The following ATP8B4 variants were observed in gnomAD, a reference collection of about 807,000 sequenced individuals.
ATP8B4 encodes the protein probable phospholipid-transporting ATPase IM.
In ATP8B4, 133 loss-of-function variants were observed where a neutral mutation model predicts 145.6. The observed-to-expected ratio is 0.91, with a 90% CI of 0.79 to 1.05. ATP8B4 has a LOEUF of 1.05. Ranked by LOEUF, ATP8B4 falls within the 50% of genes least tolerant of loss-of-function variation. The pLI is 0.00. For missense variants in ATP8B4, 1,458 were observed against 1,425.2 expected, an observed-to-expected ratio of 1.02 and a Z score of -0.37; for synonymous variants, 507 against 492.9, an observed-to-expected ratio of 1.03 and a Z score of -0.38.
At chr15:49,924,507 AG>A (rs2040536815) in intron 16 of ATP8B4, among the ~76,000 whole-genome samples, 1 of 152,222 alleles carries the variant, frequency 6.6e-6, no homozygotes, top group Non-Finnish European at 1.5e-5. Flanking sequence ...CCTCAAAAAA[AG>A]GTTAACATAA....
intron 6 of ATP8B4, among the ~76,000 whole-genome samples, chr15:50,021,419 T>C (rs2153581350): frequency 6.6e-6 from 1 of 152,322 alleles, no homozygotes; most frequent in South Asian, 2.1e-4. Flanking sequence ...CCTCTAGGAA[T>C]TGGCTCTTGC....
chr15:50,028,730 CTT>C (rs1156446698), intron 6 of ATP8B4, among the ~76,000 whole-genome samples: 1 of 152,084 alleles, frequency 6.6e-6, no homozygotes, highest in Non-Finnish European at 1.5e-5. Flanking sequence ...TGTGGAATAA[CTT>C]TTACTTTTGC....
chr15:49,880,827 A>AT (rs1308351205), intron 23 of ATP8B4: 2 of 151,556 alleles, frequency 1.3e-5, no homozygotes, highest in African/African-American at 4.8e-5. Context: ...AAAAAAAAAA[A>AT]GCCGGCCAGG....
chr15:49,921,105 AG>A (rs1255077101), intron 17 of ATP8B4, among the ~76,000 whole-genome samples: 13 of 152,214 alleles, frequency 8.5e-5, no homozygotes, highest in Non-Finnish European at 1.2e-4. Context: ...GGGGAGAGAA[AG>A]GAAGAAAAGC....
At chr15:50,093,465 T>C (rs2055745109) in intron 2 of ATP8B4, among the ~76,000 whole-genome samples, 1 of 152,072 alleles carries the variant, frequency 6.6e-6, no homozygotes. Context: ...CATTCAACTA[T>C]ACAGAAATGT....
chr15:50,088,266 C>A (rs961183797), intron 2 of ATP8B4, among the ~76,000 whole-genome samples: 1 of 151,928 alleles, frequency 6.6e-6, no homozygotes, highest in Non-Finnish European at 1.5e-5. Flanking sequence ...GTCTGTAGTC[C>A]CAGCTACTTG....
chr15:50,016,914 C>T (rs899049604), intron 6 of ATP8B4, among the ~76,000 whole-genome samples: 2 of 152,118 alleles, frequency 1.3e-5, no homozygotes, highest in African/African-American at 4.8e-5. Context: ...TATAACATTC[C>T]CTTGAGGGGC....
chr15:50,093,847 T>C (rs929022593), intron 2 of ATP8B4, among the ~76,000 whole-genome samples: 11 of 152,170 alleles, frequency 7.2e-5, no homozygotes, highest in African/African-American at 2.7e-4. Flanking sequence ...ATCATACTCA[T>C]ATCAGATAAA....
rs532137272 is a variant in ATP8B4, at chr15:50,077,132, T to G, written c.29-2947A>C. Among the ~76,000 whole-genome samples the G allele has an allele frequency of 4.2e-4, 64 of 152,328 alleles. No homozygotes were observed. The South Asian group carries it at 0.012, about 29-fold the overall frequency. ...CACCAAGGGGTTGATGATTTACCAG[T>G]GTGAACTCACACCTGCACAATTATC... On this transcript the variant is annotated intron_variant, in intron 2 of 27. Transcript: ENST00000284509.
At chr15:49,897,560 G>C in intron 22 of ATP8B4, 45 bp from the exon 23 acceptor site, 1 of 1,404,364 alleles carries the variant, frequency 7.1e-7, no homozygotes, top group Non-Finnish European at 9.4e-7. Flanking sequence ...ACAAAGCCAC[G>C]ATCTCTTTTG....
intron 10 of ATP8B4, among the ~76,000 whole-genome samples, chr15:49,983,430 C>T (rs572554213): frequency 6.6e-6 from 1 of 152,230 alleles, no homozygotes; most frequent in African/African-American, 2.4e-5. Flanking sequence ...GTCATCAAAG[C>T]TTGTCAATTC....
At chr15:50,086,641 T>G (rs2055120774) in intron 2 of ATP8B4, among the ~76,000 whole-genome samples, 1 of 116,390 alleles carries the variant, frequency 8.6e-6, no homozygotes, top group Non-Finnish European at 1.6e-5. Flanking sequence ...TCTATATTTA[T>G]TATATATAAT....
chr15:50,047,239 A>G (rs1305122078), intron 4 of ATP8B4, 112 bp downstream of exon 4: 3 of 665,376 alleles, frequency 4.5e-6, no homozygotes, highest in Non-Finnish European at 7.7e-6. Flanking sequence ...AATCTGATAA[A>G]GGATGATTGT....
At chr15:50,017,219 G>C (rs761590829) in intron 6 of ATP8B4, among the ~76,000 whole-genome samples, 2 of 152,164 alleles carry the variant, frequency 1.3e-5, no homozygotes, top group Non-Finnish European at 2.9e-5. Context: ...GTACAATAAA[G>C]TTGGGAGATA....
At chr15:50,067,027 T>C (rs12050709) in intron 3 of ATP8B4, among the ~76,000 whole-genome samples, 28,954 of 151,968 alleles carry the variant, frequency 0.19, 3,090 homozygotes, top group East Asian at 0.32. Context: ...ATCCTTGCTG[T>C]CCTCTGTTCC....
At chr15:49,920,899 C>G (rs1412692733) in intron 17 of ATP8B4, among the ~76,000 whole-genome samples, 1 of 152,136 alleles carries the variant, frequency 6.6e-6, no homozygotes, top group African/African-American at 2.4e-5. Flanking sequence ...AACATGACAT[C>G]ACACCCAAGT....
intron 3 of ATP8B4, among the ~76,000 whole-genome samples, chr15:50,050,254 G>C (rs1306256321): frequency 6.6e-6 from 1 of 152,158 alleles, no homozygotes; most frequent in Non-Finnish European, 1.5e-5. Flanking sequence ...ACAAGTCTAT[G>C]TATAGTAAGG....
At chr15:50,087,132 G>T (rs2055219861) in intron 2 of ATP8B4, among the ~76,000 whole-genome samples, 1 of 120,878 alleles carries the variant, frequency 8.3e-6, no homozygotes, top group Admixed American at 8.8e-5. Context: ...ATAATATATA[G>T]ATCTATATTT....
chr15:50,058,269 C>T (rs531189106), intron 3 of ATP8B4, among the ~76,000 whole-genome samples: 40 of 152,264 alleles, frequency 2.6e-4, no homozygotes, highest in African/African-American at 9.1e-4. Flanking sequence ...CTTGTATGAT[C>T]AGAGTGGGCA....
Sources: gnomAD v4.1 joint callset for allele counts (sites outside exome capture counted in the v4.1 genomes callset) on GRCh38, gnomAD v4.1.1 for gene constraint, MANE v1.5 for transcripts, NCBI Gene and HGNC (gene_info 2026-07-23, HGNC 2026-07-21) for gene names.